PRKN: variants seen among roughly 807,000 people sequenced by gnomAD.
PRKN encodes the protein parkin RBR E3 ubiquitin protein ligase.
PRKN carries 56 observed loss-of-function variants against 59.5 expected under a neutral mutation model. The ratio of observed to expected loss-of-function variants is 0.94; its 90% CI spans 0.76 to 1.18. The LOEUF is 1.18. Ranked by LOEUF, PRKN falls within the 50% of genes most tolerant of loss-of-function variation. PRKN has a pLI of 0.00. For synonymous variants in PRKN, 250 were observed against 222.1 expected (o/e 1.13, Z -1.12); for missense variants, 657 against 596.4 (o/e 1.10, Z -1.06).
chr6:162,037,858 T>C (rs1478065462), intron 5 of PRKN, among the ~76,000 whole-genome samples: 2 of 151,964 alleles, frequency 1.3e-5, no homozygotes, highest in Non-Finnish European at 1.5e-5. Context: ...CCCTCCTCTT[T>C]AGGTGAAAGT....
At position 161,995,056 on chromosome 6, in the gene PRKN, T is replaced by G. The variant is rs557102558; in HGVS notation, c.619-21639A>C. Among the ~76,000 whole-genome samples, 25 of 152,204 alleles carry G rather than the reference T, an allele frequency of 1.6e-4. No homozygotes were observed. The East Asian group carries it at 4.4e-3, about 27-fold the overall frequency. On this transcript the variant is annotated intron_variant, in intron 5 of 11. Transcript: ENST00000366898. ...TTCAAAATATTCTGCAAAGCTATAG[T>G]AACCAAAACAGTAGGGTACTGGTAT...
intron 6 of PRKN, among the ~76,000 whole-genome samples, chr6:161,929,619 G>A (rs943779737): frequency 1.4e-5 from 2 of 146,982 alleles, no homozygotes; most frequent in Non-Finnish European, 3.0e-5. Context: ...TGCTTACCAG[G>A]TTCAAGTGAT....
In PRKN at chr6:161,467,899, C is replaced by G. The variant is rs1362717929; in HGVS notation, c.1083+80955G>C. ...TCCCACACTGTCCGTCAGTTGCATA[C>G]TTCCAGCTTTTTTTTTTCATGTGAG... On this transcript the variant is annotated intron_variant, in intron 9 of 11. Coordinates refer to ENST00000366898, the MANE Select transcript of PRKN (RefSeq NM_004562.3). This position sits in a 1 kb window ranked among gnomAD's most constrained non-coding sequence, Gnocchi z 4.3. Among the ~76,000 whole-genome samples the G allele has an allele frequency of 6.6e-6, 1 of 152,098 alleles. No individual in the cohort carries two copies. Among genetic ancestry groups the G allele is most frequent in the Admixed American group, 6.5e-5 (1 of 15,284 alleles).
At chr6:162,272,782 G>A (rs981742863) in intron 2 of PRKN, among the ~76,000 whole-genome samples, 2 of 152,016 alleles carry the variant, frequency 1.3e-5, no homozygotes. Flanking sequence ...CAGATCACCC[G>A]AGGTCAGGGG....
intron 7 of PRKN, among the ~76,000 whole-genome samples, chr6:161,645,980 C>T (rs1285249303): frequency 3.9e-5 from 5 of 128,398 alleles, no homozygotes; most frequent in Non-Finnish European, 8.7e-5. Flanking sequence ...GTGGTCACTG[C>T]GTGTGCGTGC....
chr6:162,623,463 A>C (rs937968887), intron 1 of PRKN, among the ~76,000 whole-genome samples: 1 of 152,164 alleles, frequency 6.6e-6, no homozygotes, highest in Non-Finnish European at 1.5e-5. Flanking sequence ...TTTATTTCCA[A>C]ACTTATGAAA....
rs1029756744 is a variant in PRKN, at chr6:161,410,987, T to C, written c.1084-24110A>G. On this transcript the variant is annotated intron_variant, in intron 9 of 11. Transcript: ENST00000366898. This position sits in a 1 kb window ranked among gnomAD's most constrained non-coding sequence, Gnocchi z 5.3. ...TTTCCTCAGGTGGAAGGAAGGCAGT[T>C]GACTCATCCTGCTTCCCTGTAGTAG... Among the ~76,000 whole-genome samples the C allele has an allele frequency of 1.3e-5, 2 of 152,178 alleles. No individual in the cohort carries two copies. The highest frequency in any genetic ancestry group is 2.9e-5 in the Non-Finnish European group (2 of 68,036).
rs1383795232 is a variant in PRKN at position 161,390,216 on chromosome 6, A to G, written c.1084-3339T>C. Among the ~76,000 whole-genome samples the G allele has an allele frequency of 6.6e-6, 1 of 152,222 alleles. No homozygotes were observed. Among genetic ancestry groups the G allele is most frequent in the Non-Finnish European group, 1.5e-5 (1 of 68,046 alleles). On this transcript the variant is annotated intron_variant, in intron 9 of 11. Coordinates refer to ENST00000366898, the MANE Select transcript of PRKN (RefSeq NM_004562.3). This position sits in a 1 kb window ranked among gnomAD's most constrained non-coding sequence, Gnocchi z 7.0. ...ACATTATCCAGGACTCAAGACTCTC[A>G]ACCTTCAGTTCTCACACTACGCACC...
chr6:161,892,078 G>A (rs139112948), intron 6 of PRKN, among the ~76,000 whole-genome samples: 2 of 152,212 alleles, frequency 1.3e-5, no homozygotes, highest in Non-Finnish European at 2.9e-5. Context: ...TTGCAATCAG[G>A]CAAACAATCC....
intron 7 of PRKN, among the ~76,000 whole-genome samples, chr6:161,684,482 T>A (rs931261329): frequency 1.3e-5 from 2 of 152,190 alleles, no homozygotes; most frequent in African/African-American, 2.4e-5. Context: ...AAGAAATTTA[T>A]GTCACATGAT....
chr6:162,339,277 T>A (rs1352339713), intron 2 of PRKN, among the ~76,000 whole-genome samples: 1 of 130,052 alleles, frequency 7.7e-6, no homozygotes, highest in Non-Finnish European at 1.6e-5. Context: ...AGCCGCCCCG[T>A]CCGGGAGGGA....
intron 7 of PRKN, among the ~76,000 whole-genome samples, chr6:161,621,696 C>A (rs1782905956): frequency 6.6e-6 from 1 of 152,122 alleles, no homozygotes; most frequent in African/African-American, 2.4e-5. Flanking sequence ...TTAATCCAGT[C>A]AAGTCGACAC....
chr6:161,654,225 T>G (rs1244115889), intron 7 of PRKN, among the ~76,000 whole-genome samples: 2 of 152,236 alleles, frequency 1.3e-5, no homozygotes, highest in Non-Finnish European at 2.9e-5. Flanking sequence ...AGAATCATTT[T>G]TTATAAACTT....
chr6:162,496,590 AAAC>A (rs1172007047), intron 1 of PRKN, among the ~76,000 whole-genome samples: 2 of 152,186 alleles, frequency 1.3e-5, no homozygotes, highest in Non-Finnish European at 2.9e-5. Context: ...CTCTCTCCTT[AAAC>A]ACATACAGAA....
Position 161,575,078 on chromosome 6 carries a change from C to A in PRKN, c.872-5662G>T. On this transcript the variant is annotated intron_variant, in intron 7 of 11. Transcript: ENST00000366898. The surrounding 1 kb of genome is among the most constrained non-coding windows in gnomAD (Gnocchi z 4.6). ...TCGTGTTTTTCCTCTAGTTATTAAA[C>A]CCATCACTCAACTGTTGCCTGTGTT... Among the ~76,000 whole-genome samples the A allele has an allele frequency of 6.6e-6, 1 of 152,150 alleles. No homozygotes were observed. The highest frequency in any genetic ancestry group is 1.5e-5 in the Non-Finnish European group (1 of 68,024).
chr6:161,695,792 G>A (rs760589682), intron 7 of PRKN, among the ~76,000 whole-genome samples: 10 of 152,154 alleles, frequency 6.6e-5, no homozygotes, highest in Non-Finnish European at 1.3e-4. Flanking sequence ...TCAATCATGA[G>A]AGCACAGGAC....
intron 10 of PRKN, among the ~76,000 whole-genome samples, chr6:161,384,823 T>A (rs1786156004): frequency 6.6e-6 from 1 of 152,224 alleles, no homozygotes; most frequent in Non-Finnish European, 1.5e-5. Flanking sequence ...AGCTATAGAG[T>A]TGCTAAGCTT....
chr6:161,564,450 A>T (rs977363693), intron 8 of PRKN, among the ~76,000 whole-genome samples: 1 of 152,134 alleles, frequency 6.6e-6, no homozygotes, highest in Non-Finnish European at 1.5e-5. Context: ...CTCATGGGCA[A>T]TCAGCAGTAA....
chr6:162,463,108 C>A (rs554627125), intron 1 of PRKN, among the ~76,000 whole-genome samples: 5 of 151,780 alleles, frequency 3.3e-5, no homozygotes, highest in Non-Finnish European at 7.4e-5. Context: ...AAAAAAACCA[C>A]GTCATCTTTG....
Sources: allele counts gnomAD v4.1 joint callset (sites outside exome capture counted in the v4.1 genomes callset), GRCh38; gene constraint gnomAD v4.1.1; non-coding constraint Gnocchi (gnomAD v3.1); transcripts MANE v1.5; gene names NCBI Gene and HGNC (gene_info 2026-07-23, HGNC 2026-07-21).